The following LARGE1 variants were observed in gnomAD, a reference collection of about 807,000 sequenced individuals.
LARGE1 encodes xylosyl- and glucuronyltransferase LARGE1.
A neutral mutation model predicts 87.6 loss-of-function variants in LARGE1; 43 were observed. The ratio of observed to expected loss-of-function variants is 0.49; its 90% CI spans 0.38 to 0.63. The LOEUF is 0.63. LARGE1 is among the 30% of genes least tolerant of loss of function. The probability of loss-of-function intolerance (pLI) is 0.00; values close to 1 mark genes in which losing one functional copy is unlikely to be tolerated. For synonymous variants in LARGE1, 434 were observed against 394.6 expected (o/e 1.10, Z -1.18); for missense variants, 802 against 1,000.2 (o/e 0.80, Z 2.67).
chr22:33,712,513 T>G (rs531513203), intron 2 of LARGE1, among the ~76,000 whole-genome samples: 2 of 152,070 alleles, frequency 1.3e-5, no homozygotes, highest in Admixed American at 1.3e-4. Context: ...CACTCCATCA[T>G]CAATGGAAAT....
In LARGE1 at chr22:33,769,677, C is replaced by T. The variant is rs188168773; in HGVS notation, c.-82-8119G>A. Among the ~76,000 whole-genome samples, 18 of 152,302 alleles carry T rather than the reference C, an allele frequency of 1.2e-4. No homozygotes were observed. The East Asian group carries it at 3.3e-3, about 28-fold the overall frequency. On this transcript the variant is annotated intron_variant, in intron 1 of 14. Transcript: ENST00000397394. ...ACTCCTCTTTATGTTCAACCTCCTT[C>T]CTCTCACGTCATTCTGCCTCTTGCT...
intron 10 of LARGE1, among the ~76,000 whole-genome samples, chr22:33,325,201 C>A (rs1601451962): frequency 6.6e-6 from 1 of 152,328 alleles, no homozygotes; most frequent in East Asian, 1.9e-4. Flanking sequence ...GCAGAGGACT[C>A]AACACATGTA....
intron 6 of LARGE1, among the ~76,000 whole-genome samples, chr22:33,507,283 A>G (rs867711497): frequency 6.6e-6 from 1 of 152,220 alleles, no homozygotes; most frequent in Non-Finnish European, 1.5e-5. Flanking sequence ...CTGAATGGGC[A>G]TCTGGTGCTG....
At chr22:33,283,063 G>A in intron 13 of LARGE1, 139 bp downstream of exon 13, 1 of 1,058,116 alleles carries the variant, frequency 9.5e-7, no homozygotes, top group Non-Finnish European at 1.5e-6. Flanking sequence ...ACGTTGTCTG[G>A]AGAAAGCGGT....
rs186066821 is a variant in LARGE1, at chr22:33,254,961, G to A, written c.1730+49268C>T. The stretch of plus-strand genomic sequence containing the variant: ...TTTTTTTTTTTTTTTTTTTTGAGAC[G>A]GAGTCTCACTCCGTCACCCAGGCTG... On this transcript the variant is annotated intron_variant, in intron 11 of 11. Transcript: ENST00000608642. Among the ~76,000 whole-genome samples the A allele has an allele frequency of 8.0e-3, 1,121 of 140,548 alleles. 15 individuals are homozygous for A. Among genetic ancestry groups the A allele is most frequent in the African/African-American group, 0.029 (1,059 of 36,130 alleles). The allele number at this position is 140,548 out of a possible 152,430, so 92.2% of individuals were successfully genotyped here.
chr22:33,072,519 G>C, the LARGE1 span, among the ~76,000 whole-genome samples: 1 of 152,244 alleles, frequency 6.6e-6, no homozygotes, highest in East Asian at 1.9e-4. Flanking sequence ...TCCTGCTGGT[G>C]GAAAAACTTC....
chr22:33,120,358 TTTTCTTTCTTTCTTTC>T, the LARGE1 span, among the ~76,000 whole-genome samples: 145 of 118,772 alleles, frequency 1.2e-3, 1 homozygote, highest in East Asian at 5.6e-3. Context: ...TTTTCTTTCT[TTTTCTTTCTTTCTTTC>T]TTTCTTTCTT....
intron 6 of LARGE1, among the ~76,000 whole-genome samples, chr22:33,436,958 T>C (rs772144798): frequency 1.6e-4 from 24 of 152,028 alleles, no homozygotes; most frequent in South Asian, 4.2e-4. Flanking sequence ...TAAGGTGACA[T>C]CTGGCTCTCC....
At chr22:33,362,392 C>A (rs941091351) in intron 9 of LARGE1, among the ~76,000 whole-genome samples, 1 of 149,740 alleles carries the variant, frequency 6.7e-6, no homozygotes, top group Admixed American at 6.6e-5. Flanking sequence ...AGAAGCAAAA[C>A]TGTCATCAGA....
At chr22:33,454,153 A>G (rs2068042055) in intron 6 of LARGE1, among the ~76,000 whole-genome samples, 1 of 152,164 alleles carries the variant, frequency 6.6e-6, no homozygotes, top group South Asian at 2.1e-4. Context: ...AAACATCTCA[A>G]TTTTATATTC....
At chr22:33,709,535 G>A (rs995027847) in intron 2 of LARGE1, among the ~76,000 whole-genome samples, 5 of 152,056 alleles carry the variant, frequency 3.3e-5, no homozygotes, top group African/African-American at 1.2e-4. Context: ...AGGCAGTAGC[G>A]CGCTTCCTTC....
At chr22:33,396,705 T>C (rs909091379) in intron 7 of LARGE1, among the ~76,000 whole-genome samples, 2 of 151,772 alleles carry the variant, frequency 1.3e-5, no homozygotes, top group Non-Finnish European at 2.9e-5. Flanking sequence ...TATGGGCAAA[T>C]AGAGGTATGT....
chr22:33,334,636 G>A (rs1332318850), intron 10 of LARGE1, among the ~76,000 whole-genome samples: 2 of 152,166 alleles, frequency 1.3e-5, no homozygotes, highest in South Asian at 2.1e-4. Context: ...GAAAGGAGGT[G>A]GATGTGGCCC....
At chr22:33,336,588 T>C (rs765729350) in intron 10 of LARGE1, among the ~76,000 whole-genome samples, 3 of 152,138 alleles carry the variant, frequency 2.0e-5, no homozygotes, top group East Asian at 1.9e-4. Flanking sequence ...AGGTAGTAAC[T>C]GGAAGGAATT....
chr22:33,550,826 A>G (rs1465928104), intron 6 of LARGE1, among the ~76,000 whole-genome samples: 1 of 152,258 alleles, frequency 6.6e-6, no homozygotes. Flanking sequence ...CAAATGTGGT[A>G]TACAGATGCA....
chr22:33,087,833 G>A, the LARGE1 span, among the ~76,000 whole-genome samples: 1 of 152,282 alleles, frequency 6.6e-6, no homozygotes, highest in Admixed American at 6.5e-5. Flanking sequence ...TACTCGGGAG[G>A]CTGAGGCAGG....
At chr22:33,391,772 T>C (rs1009131809) in intron 7 of LARGE1, among the ~76,000 whole-genome samples, 1 of 147,026 alleles carries the variant, frequency 6.8e-6, no homozygotes, top group Non-Finnish European at 1.5e-5. Context: ...TTCCTTTTTT[T>C]TTTTTTTTTT....
the LARGE1 span, among the ~76,000 whole-genome samples, chr22:33,151,274 T>A: frequency 6.6e-6 from 1 of 152,188 alleles, no homozygotes; most frequent in Non-Finnish European, 1.5e-5. Context: ...TATAAAAATA[T>A]GATTCATTTG....
At chr22:33,634,389 G>A (rs1057416965) in intron 3 of LARGE1, among the ~76,000 whole-genome samples, 2 of 152,126 alleles carry the variant, frequency 1.3e-5, no homozygotes, top group Non-Finnish European at 2.9e-5. Context: ...TTTGAGAACC[G>A]CTGCTCTAGC....
Sources: gnomAD v4.1 joint callset for allele counts (sites outside exome capture counted in the v4.1 genomes callset) on GRCh38, gnomAD v4.1.1 for gene constraint, MANE v1.5 for transcripts, NCBI Gene and HGNC (gene_info 2026-07-23, HGNC 2026-07-21) for gene names.